Variants in MUC12 observed in about 807,000 individuals in gnomAD.
The protein encoded by MUC12 is mucin 12, cell surface associated.
MUC12 carries 172 observed loss-of-function variants against 230.8 expected under a neutral mutation model. The observed-to-expected ratio is 0.75, with a 90% CI of 0.66 to 0.85. The LOEUF is 0.85. MUC12 is among the 40% of genes least tolerant of loss of function. The probability of loss-of-function intolerance (pLI) is 0.00; values close to 1 mark genes in which losing one functional copy is unlikely to be tolerated. For synonymous variants in MUC12, 1,259 were observed against 2,401.9 expected, an observed-to-expected ratio of 0.52 and a Z score of 13.91; for missense variants, 3,506 against 5,920.6, an observed-to-expected ratio of 0.59 and a Z score of 13.38.
In MUC12 at chr7:100,981,754, C is replaced by T. The variant is rs111398840; in HGVS notation, c.68-8877C>T. Among the ~76,000 whole-genome samples, 14 of 152,220 alleles carry T rather than the reference C, an allele frequency of 9.2e-5. 1 individual carries two copies. Among genetic ancestry groups the T allele is most frequent in the African/African-American group, 3.4e-4 (14 of 41,532 alleles). ...ATGGTCCCCCGCATTCCACAGTGTC[C>T]CTGCCTTCTTTGGGTCCCTCAGTGG... On this transcript the variant is annotated intron_variant, in intron 1 of 11. Coordinates refer to ENST00000536621, the MANE Select transcript of MUC12 (RefSeq NM_001164462.2).
chr7:100,989,164 G>A (rs1040407771), intron 1 of MUC12, among the ~76,000 whole-genome samples: 2 of 146,514 alleles, frequency 1.4e-5, no homozygotes, highest in African/African-American at 5.1e-5. Context: ...GCAGTGGTGC[G>A]ATCTCAGCTC....
intron 1 of MUC12, among the ~76,000 whole-genome samples, chr7:100,989,087 C>T (rs902741075): frequency 2.0e-5 from 3 of 148,630 alleles, no homozygotes; most frequent in African/African-American, 7.5e-5. Context: ...GGTATGTCTT[C>T]TTCCTCTTCT....
chr7:101,004,816 AC>A lies in MUC12; in HGVS notation c.14254del (p.Leu4752SerfsTer6). 6.5e-7 allele frequency: 1 copy of A among 1,537,224 alleles called. No homozygotes were observed. Among genetic ancestry groups the A allele is most frequent in the Admixed American group, 2.0e-5 (1 of 50,966 alleles). ...YSSSRSPDQTLSPASMTSSSI... is the reference protein window; with the variant it reads ...YSSSRSPDQTXSPASMTSSSI... ...GTAGCTCCAGATCACCAGACCAAAC[AC>A]TCTCACCTGCCAGCATGACAAGCTC... On this transcript the variant is annotated frameshift_variant, in exon 2 of 12. Coordinates refer to ENST00000536621, the MANE Select transcript of MUC12 (RefSeq NM_001164462.2). LOFTEE classifies it high-confidence loss of function.
chr7:100,988,228 G>A (rs1224938451), intron 1 of MUC12, among the ~76,000 whole-genome samples: 2 of 148,412 alleles, frequency 1.3e-5, no homozygotes, highest in Admixed American at 6.7e-5. Flanking sequence ...CCCAGGAGGC[G>A]GAGGTTGCAA....
rs1050958018 is a variant in MUC12 at position 101,004,884 on chromosome 7, A to T, written c.14321A>T (p.Glu4774Val). 4.6e-6 allele frequency: 7 copies of T among 1,537,594 alleles called. No homozygotes were observed. In the African/African-American group the frequency reaches 5.5e-5, roughly 12 times the overall value. Residue 4774 changes from glutamate (E) to valine (V), a missense_variant, in exon 2 of 12, where the codon GAG (glutamate) becomes GTG (valine). Coordinates refer to ENST00000536621, the MANE Select transcript of MUC12 (RefSeq NM_001164462.2). ...GEPTSLYSQA[E>V]STHTTAFPAS... ...CCCACCAGCTTGTATAGCCAAGCAG[A>T]GTCAACACACACAACAGCGTTCCCT...
chr7:101,008,400 G>C (rs1793789748), intron 3 of MUC12, among the ~76,000 whole-genome samples: 1 of 152,034 alleles, frequency 6.6e-6, no homozygotes, highest in South Asian at 2.1e-4. Context: ...CCCGGCCCAG[G>C]GCTCTTTCCA....
chr7:100,985,052 A>G (rs1793167881), intron 1 of MUC12, among the ~76,000 whole-genome samples: 1 of 152,028 alleles, frequency 6.6e-6, no homozygotes, highest in Admixed American at 6.6e-5. Context: ...TTTTTAGTAG[A>G]GATGGGGTTT....
chr7:100,969,937 G>T (rs1792821946), intron 1 of MUC12, among the ~76,000 whole-genome samples: 1 of 152,424 alleles, frequency 6.6e-6, no homozygotes, highest in African/African-American at 2.4e-5. Context: ...CTGAGGGGCG[G>T]CTGAAATCCA....
intron 5 of MUC12, among the ~76,000 whole-genome samples, chr7:101,011,558 A>T (rs1000833834): frequency 6.6e-6 from 1 of 152,134 alleles, no homozygotes; most frequent in African/African-American, 2.4e-5. Flanking sequence ...AGTAGCTGGG[A>T]CTACAAGCGT....
chr7:100,987,403 G>A (rs1004448624), intron 1 of MUC12, among the ~76,000 whole-genome samples: 2 of 152,122 alleles, frequency 1.3e-5, no homozygotes, highest in African/African-American at 4.8e-5. Flanking sequence ...AGCCCTTTGA[G>A]TGGGCCTGAA....
rs529183792 is a variant in MUC12, at chr7:101,012,476, T to C, written c.15403+29T>C. ...AGCTCACCTAAAACCCCTTGACACC[T>C]GTGGGTGTCTTGGAGATCGTGACCT... On this transcript the variant is annotated intron_variant, in intron 6 of 11. Transcript: ENST00000536621. The C allele has an allele frequency of 2.7e-5, 42 of 1,531,968 alleles. No individual in the cohort carries two copies. In the East Asian group the frequency reaches 6.8e-4, roughly 25 times the overall value. The allele number at this position is 1,531,968 out of a possible 1,614,324, so 94.9% of individuals were successfully genotyped here.
intron 1 of MUC12, among the ~76,000 whole-genome samples, chr7:100,975,093 G>C (rs1373178380): frequency 1.3e-5 from 2 of 152,302 alleles, no homozygotes; most frequent in Admixed American, 6.5e-5. Flanking sequence ...GTGGCCTGAG[G>C]CTCCTGGAAT....
chr7:100,983,113 G>C lies in MUC12; in HGVS notation c.68-7518G>C, dbSNP rs564470047. ...GGAAATTATTTATCCTTAGAACCTT[G>C]ATTCCTATGTAAAATAGAAATAGCG... On this transcript the variant is annotated intron_variant, in intron 1 of 11. Transcript: ENST00000536621. Among the ~76,000 whole-genome samples the C allele has an allele frequency of 5.9e-4, 89 of 151,418 alleles. No homozygotes were observed. The South Asian group carries it at 0.016, about 27-fold the overall frequency.
chr7:100,991,452 G>C lies in MUC12; in HGVS notation c.889G>C (p.Ala297Pro). 1 of 1,537,748 alleles carries C rather than the reference G, an allele frequency of 6.5e-7. No individual in the cohort carries two copies. ...TSPAPSGTTS[A>P]FVKLSTTYHS... is the part of the protein sequence containing the mutation. Reference sequence around the variant, plus strand: ...GCCTGCACCTTCTGGTACCACATCAGCCTTTGTTAAACTATCTACAACTTA... The same window carrying C: ...GCCTGCACCTTCTGGTACCACATCACCCTTTGTTAAACTATCTACAACTTA... The change falls in exon 2 of 12, where the codon GCC (alanine) becomes CCC (proline). Residue 297 changes from alanine to proline, a missense_variant. Ala to Pro is a conservative substitution (Grantham distance 27). Coordinates refer to ENST00000536621, the MANE Select transcript of MUC12 (RefSeq NM_001164462.2).
At position 100,990,952 on chromosome 7, in the gene MUC12, C is replaced by A. The variant is rs1793278849; in HGVS notation, c.389C>A (p.Thr130Lys). 6.5e-7 allele frequency: 1 copy of A among 1,537,798 alleles called. No homozygotes were observed. Among genetic ancestry groups the A allele is most frequent in the Non-Finnish European group, 8.7e-7 (1 of 1,147,072 alleles). ...ACAGCGTTACCTGGCAGTACCACAA[C>A]AGCAGGCCTGAGTGAGAAATCTACC... ...ETTALPGSTT[T>K]AGLSEKSTTF... Residue 130 changes from threonine to lysine, a missense_variant, in exon 2 of 12, where the codon ACA (threonine) becomes AAA (lysine). Coordinates refer to ENST00000536621, the MANE Select transcript of MUC12 (RefSeq NM_001164462.2).
rs1324345732 is a variant in MUC12, at chr7:100,992,539, C to A, written c.1976C>A (p.Thr659Lys). The A allele has an allele frequency of 1.9e-4, 291 of 1,537,958 alleles. No homozygotes were observed. The East Asian group carries it at 6.9e-3, about 37-fold the overall frequency. ...ACATCAGCCTTTGTTGAGCCATCTA[C>A]AACCTCCCACGGCAGCCCGAGCTCA... is the stretch of plus-strand genomic sequence containing the variant. ...TTTSAFVEPSTTSHGSPSSIP... is the reference protein window; with the variant it reads ...TTTSAFVEPSKTSHGSPSSIP... Residue 659 changes from threonine to lysine, a missense_variant, in exon 2 of 12, where the codon ACA becomes AAA. Transcript: ENST00000536621.
rs780852334 is a variant in MUC12, at chr7:101,008,713, C to T, written c.15138C>T (p.Asp5046=). The change falls in exon 4 of 12, where the codon GAC becomes GAT. Residue 5046 remains aspartate (D), a synonymous_variant. Coordinates refer to ENST00000536621, the MANE Select transcript of MUC12 (RefSeq NM_001164462.2). Reference sequence around the variant, plus strand: ...GAAATTTCACAGAAAAGATGAATGACGCATCCTCCCAGGAATACCAGAACT... The same window carrying T: ...GAAATTTCACAGAAAAGATGAATGATGCATCCTCCCAGGAATACCAGAACT... ...TYRNFTEKMN[D]ASSQEYQNFS... The T allele has an allele frequency of 3.7e-5, 57 of 1,537,234 alleles. No individual in the cohort carries two copies. The highest frequency in any genetic ancestry group is 3.3e-4 in the Middle Eastern group (2 of 5,990).
chr7:101,017,032 A>G (rs10248208), intron 10 of MUC12: 4,604 of 150,158 alleles, frequency 0.031, 248 homozygotes, highest in African/African-American at 0.11. Context: ...GTAGAAGGAC[A>G]GGTAGGGCAT....
At chr7:100,969,792 G>C (rs996229617) in intron 1 of MUC12, 103 bp downstream of exon 1, 23 of 1,476,056 alleles carry the variant, frequency 1.6e-5, no homozygotes, top group Non-Finnish European at 2.1e-5. Flanking sequence ...CCTCCCCTTT[G>C]CATGGCAAGG....
Sources: allele counts gnomAD v4.1 joint callset (sites outside exome capture counted in the v4.1 genomes callset), GRCh38; gene constraint gnomAD v4.1.1; transcripts MANE v1.5; gene names NCBI Gene and HGNC (gene_info 2026-07-23, HGNC 2026-07-21).